Variants in NRG3 observed in about 807,000 individuals in gnomAD.
NRG3 encodes the protein pro-neuregulin-3, membrane-bound isoform.
NRG3 carries 31 observed loss-of-function variants against 66.9 expected under a neutral mutation model. That is an observed-to-expected ratio of 0.46 (90% CI 0.35 to 0.63). The LOEUF is 0.63. Ranked by LOEUF, NRG3 falls within the 20% of genes least tolerant of loss-of-function variation. The pLI is 0.00. For synonymous variants in NRG3, 393 were observed against 359.4 expected (o/e 1.09, Z -1.06); for missense variants, 910 against 878.9 (o/e 1.04, Z -0.45).
chr10:82,929,009 A>G (rs912926681), intron 4 of NRG3, among the ~76,000 whole-genome samples: 1 of 152,208 alleles, frequency 6.6e-6, no homozygotes, highest in Non-Finnish European at 1.5e-5. Context: ...AACATGAACT[A>G]TCTATAGGAG....
chr10:82,888,273 C>T (rs1353064901), intron 4 of NRG3, among the ~76,000 whole-genome samples: 1 of 152,136 alleles, frequency 6.6e-6, no homozygotes, highest in South Asian at 2.1e-4. Context: ...CACACACACT[C>T]ACATAGCAAA....
intron 3 of NRG3, among the ~76,000 whole-genome samples, chr10:82,822,347 G>A (rs748582831): frequency 1.3e-5 from 2 of 151,980 alleles, no homozygotes; most frequent in South Asian, 4.2e-4. Flanking sequence ...GGAGTTCCTG[G>A]GCTCAGGAGA....
rs559121757 is a variant in NRG3 at position 82,716,896 on chromosome 10, C to A, written c.954-21681C>A. Reference sequence around the variant, plus strand: ...TTCAAATGTTTTGATCACTAGAATACAAATGATAAAATTACATAATATGAA... The same window carrying A: ...TTCAAATGTTTTGATCACTAGAATAAAAATGATAAAATTACATAATATGAA... On this transcript the variant is annotated intron_variant, in intron 2 of 8. Coordinates refer to ENST00000372141, the MANE Select transcript of NRG3 (RefSeq NM_001010848.4). Among the ~76,000 whole-genome samples, 46 of 152,204 alleles carry A rather than the reference C, an allele frequency of 3.0e-4. No homozygotes were observed. The South Asian group carries it at 7.0e-3, about 23-fold the overall frequency.
intron 2 of NRG3, among the ~76,000 whole-genome samples, chr10:82,375,700 T>A (rs1461060516): frequency 6.6e-6 from 1 of 152,174 alleles, no homozygotes; most frequent in Non-Finnish European, 1.5e-5. Context: ...CTTTTCTGAT[T>A]CCTAGCAGGG....
chr10:82,739,027 T>TA (rs1238581278), intron 3 of NRG3, among the ~76,000 whole-genome samples: 1 of 152,228 alleles, frequency 6.6e-6, no homozygotes, highest in Non-Finnish European at 1.5e-5. Flanking sequence ...TACCGCTTCT[T>TA]ACGCTTTGGT....
chr10:82,433,926 A>T (rs1266205270), intron 2 of NRG3, among the ~76,000 whole-genome samples: 1 of 152,192 alleles, frequency 6.6e-6, no homozygotes, highest in Non-Finnish European at 1.5e-5. Flanking sequence ...TGTCTTGGCT[A>T]TACAGGGTCT....
At chr10:82,434,272 T>C (rs1343418146) in intron 2 of NRG3, among the ~76,000 whole-genome samples, 1 of 152,112 alleles carries the variant, frequency 6.6e-6, no homozygotes, top group East Asian at 1.9e-4. Flanking sequence ...GGTAGAGGAA[T>C]GCTTGTGATT....
intron 2 of NRG3, among the ~76,000 whole-genome samples, chr10:82,648,318 T>C (rs2051124506): frequency 6.6e-6 from 1 of 151,952 alleles, no homozygotes; most frequent in Non-Finnish European, 1.5e-5. Context: ...TAGTTGTAGA[T>C]ATGCGGCATT....
intron 1 of NRG3, among the ~76,000 whole-genome samples, chr10:82,097,660 A>G (rs1213762410): frequency 6.6e-6 from 1 of 151,892 alleles, no homozygotes; most frequent in African/African-American, 2.4e-5. Flanking sequence ...CATATGATAC[A>G]TGCATGTTTA....
intron 4 of NRG3, among the ~76,000 whole-genome samples, chr10:82,897,763 AC>A (rs1440749860): frequency 2.6e-5 from 4 of 151,692 alleles, no homozygotes; most frequent in Non-Finnish European, 5.9e-5. Context: ...CAGGTGATCC[AC>A]CCGCCTCAGC....
intron 1 of NRG3, among the ~76,000 whole-genome samples, chr10:82,294,114 AAAG>A (rs1347977323): frequency 6.6e-6 from 1 of 152,122 alleles, no homozygotes; most frequent in Non-Finnish European, 1.5e-5. Context: ...ATTTACTCAA[AAAG>A]AGAAAGAGCA....
intron 1 of NRG3, among the ~76,000 whole-genome samples, chr10:81,930,830 G>A (rs190281986): frequency 7.2e-5 from 11 of 152,270 alleles, no homozygotes; most frequent in South Asian, 2.1e-4. Flanking sequence ...TCCTCCCAGC[G>A]TAGAGACTTT....
In NRG3 at chr10:82,149,557, A is replaced by G. The variant is rs143692689; in HGVS notation, c.824-209182A>G. Among the ~76,000 whole-genome samples the G allele has an allele frequency of 2.8e-3, 429 of 152,318 alleles. 2 individuals carry two copies. The highest frequency in any genetic ancestry group is 9.8e-3 in the African/African-American group (407 of 41,572). On this transcript the variant is annotated intron_variant, in intron 1 of 8. Coordinates refer to ENST00000372141, the MANE Select transcript of NRG3 (RefSeq NM_001010848.4). ...GATGTAGAAAAATCAATTAAAATGA[A>G]GCAAATATTTTTGAAACCTAACCAG...
At chr10:81,967,582 T>A (rs987973996) in intron 1 of NRG3, among the ~76,000 whole-genome samples, 5 of 152,142 alleles carry the variant, frequency 3.3e-5, no homozygotes, top group Admixed American at 6.5e-5. Flanking sequence ...TTATGCGTGC[T>A]TATATAGTCT....
At chr10:82,787,186 C>T (rs578077663) in intron 3 of NRG3, among the ~76,000 whole-genome samples, 4 of 152,280 alleles carry the variant, frequency 2.6e-5, no homozygotes, top group African/African-American at 9.6e-5. Flanking sequence ...CTCTTACACT[C>T]AAAACTAGGT....
intron 1 of NRG3, among the ~76,000 whole-genome samples, chr10:81,960,174 T>C (rs2133266972): frequency 6.6e-6 from 1 of 152,314 alleles, no homozygotes; most frequent in South Asian, 2.1e-4. Flanking sequence ...TTTCTTGCTG[T>C]TATGTATTTT....
intron 1 of NRG3, among the ~76,000 whole-genome samples, chr10:81,995,633 C>G (rs2060909791): frequency 6.6e-6 from 1 of 152,152 alleles, no homozygotes; most frequent in Non-Finnish European, 1.5e-5. Flanking sequence ...CTGGCCTTTG[C>G]CTTACAGTTT....
intron 1 of NRG3, among the ~76,000 whole-genome samples, chr10:82,068,080 G>A (rs891354585): frequency 6.6e-6 from 1 of 152,212 alleles, no homozygotes; most frequent in Non-Finnish European, 1.5e-5. Flanking sequence ...GAATGGTTGA[G>A]TGTGTGAGTG....
rs762756733 is a variant in NRG3, at chr10:81,876,120, C to T, written c.780C>T (p.Ser260=). The change falls in exon 1 of 9, where the codon TCC becomes TCT. Residue 260 remains serine (S), a synonymous_variant. Coordinates refer to ENST00000372141, the MANE Select transcript of NRG3 (RefSeq NM_001010848.4). ...CCTCTTCTTCCTCTTCTTCCTCCTC[C>T]GCTACCACCACCACACCAGAAACTA... ...AASSSSSSSS[S]ATTTTPETST... is the part of the protein sequence containing the mutation. 49 of 1,606,990 alleles carry T rather than the reference C, an allele frequency of 3.0e-5. No homozygotes were observed. Among genetic ancestry groups the T allele is most frequent in the Non-Finnish European group, 3.6e-5 (42 of 1,177,018 alleles).
Sources: allele counts gnomAD v4.1 joint callset (sites outside exome capture counted in the v4.1 genomes callset), GRCh38; gene constraint gnomAD v4.1.1; transcripts MANE v1.5; gene names NCBI Gene and HGNC (gene_info 2026-07-23, HGNC 2026-07-21).